Variants in SMAD5 observed in about 807,000 individuals in gnomAD.
SMAD5 encodes MAD, mothers against decapentaplegic homolog 5.
In SMAD5, 9 loss-of-function variants were observed where a neutral mutation model predicts 43.1. That is an observed-to-expected ratio of 0.21 (90% CI 0.13 to 0.36). SMAD5 has a LOEUF of 0.36. Among genes scored for constraint, SMAD5 ranks in the 10% least tolerant of loss-of-function variants. The pLI is 1.00. For missense variants in SMAD5, 348 were observed against 574.0 expected (o/e 0.61, Z 4.02); for synonymous variants, 190 against 192.4 (o/e 0.99, Z 0.10).
At chr5:136,135,874 C>G (rs1752856375) in intron 1 of SMAD5, among the ~76,000 whole-genome samples, 1 of 152,178 alleles carries the variant, frequency 6.6e-6, no homozygotes. Context: ...CTCTGTCTCT[C>G]TGTACACTAA....
intron 2 of SMAD5, 46 bp downstream of exon 2, chr5:136,147,952 C>T (rs1403708661): frequency 1.3e-5 from 2 of 151,660 alleles, no homozygotes; most frequent in African/African-American, 4.8e-5. Flanking sequence ...TTTCTTTAGT[C>T]AGTAATAATG....
intron 3 of SMAD5, among the ~76,000 whole-genome samples, chr5:136,159,185 T>C (rs1034716123): frequency 3.9e-5 from 6 of 152,208 alleles, no homozygotes; most frequent in Non-Finnish European, 7.3e-5. Context: ...AAATGTTATA[T>C]TTAACTCTAT....
chr5:136,154,945 C>G (rs1753584793), intron 3 of SMAD5, among the ~76,000 whole-genome samples: 1 of 152,100 alleles, frequency 6.6e-6, no homozygotes, highest in Admixed American at 6.5e-5. Flanking sequence ...ACTGACTGTT[C>G]TTGCCCCTCT....
In SMAD5 at chr5:136,181,928, G is replaced by A. The variant is rs181915965; in HGVS notation, c.*4448G>A. The A allele has an allele frequency of 2.0e-5, 3 of 152,310 alleles. No individual in the cohort carries two copies. Among genetic ancestry groups the A allele is most frequent in the Admixed American group, 2.0e-4 (3 of 15,302 alleles). 9.4% of individuals were successfully genotyped at this position (152,310 alleles called of 1,614,324 possible). Reference sequence around the variant, plus strand: ...ATAATAATTGCTAGTAGCAACTGCAGTAAAACAGGTGATAAGTTATTTTCT... The same window carrying A: ...ATAATAATTGCTAGTAGCAACTGCAATAAAACAGGTGATAAGTTATTTTCT... On this transcript the variant is annotated 3_prime_UTR_variant, in exon 8 of 8. Coordinates refer to ENST00000545279, the MANE Select transcript of SMAD5 (RefSeq NM_005903.7).
chr5:136,163,187 G>T, intron 4 of SMAD5, 85 bp from the exon 5 acceptor site: 1 of 1,182,664 alleles, frequency 8.5e-7, no homozygotes, highest in East Asian at 2.6e-5. Context: ...GAAGCTTGCT[G>T]GTAATCTTAA....
Position 136,166,873 on chromosome 5 carries a change from C to G in SMAD5, c.775+3482C>G, listed in dbSNP as rs575741970. The stretch of plus-strand genomic sequence containing the variant: ...TTAATAGTGTTATATGTTAGATGTC[C>G]ATTGGAATGTAATTTGTCTCAACCA... On this transcript the variant is annotated intron_variant, in intron 5 of 7. Transcript: ENST00000545279. Among the ~76,000 whole-genome samples, 4 of 152,168 alleles carry G rather than the reference C, an allele frequency of 2.6e-5. No individual in the cohort carries two copies. In the East Asian group the frequency reaches 7.7e-4, roughly 29 times the overall value.
At chr5:136,158,656 T>C (rs903669870) in intron 3 of SMAD5, among the ~76,000 whole-genome samples, 2 of 152,194 alleles carry the variant, frequency 1.3e-5, no homozygotes, top group African/African-American at 4.8e-5. Flanking sequence ...TCCCAGCACT[T>C]TGGGAGGCCG....
chr5:136,160,790 C>T, intron 3 of SMAD5, 66 bp from the exon 4 acceptor site: 1 of 1,520,194 alleles, frequency 6.6e-7, no homozygotes, highest in Non-Finnish European at 9.1e-7. Flanking sequence ...TCTACCAACC[C>T]CTTAGTGTGG....
chr5:136,156,885 A>G (rs1281404761), intron 3 of SMAD5, among the ~76,000 whole-genome samples: 1 of 152,288 alleles, frequency 6.6e-6, no homozygotes, highest in Non-Finnish European at 1.5e-5. Flanking sequence ...GACTATAGAG[A>G]CCTCATGTTT....
rs116557098 is a variant in SMAD5 at position 136,174,775 on chromosome 5, T to A, written c.1254+143T>A. 929 of 602,838 alleles carry A rather than the reference T, an allele frequency of 1.5e-3. 8 individuals are homozygous for A. The highest frequency in any genetic ancestry group is 0.015 in the African/African-American group (829 of 54,128). 37.3% of individuals were successfully genotyped at this position (602,838 alleles called of 1,614,324 possible). ...CAGGTTTTTAAATAAAATTATTGAA[T>A]TTGTAATTTTAACTACATAATAGAT... On this transcript the variant is annotated intron_variant, in intron 7 of 7. Transcript: ENST00000545279.
intron 3 of SMAD5, among the ~76,000 whole-genome samples, chr5:136,159,463 A>C (rs1753757266): frequency 6.6e-6 from 1 of 152,098 alleles, no homozygotes; most frequent in Admixed American, 6.6e-5. Context: ...ATTATTTTGG[A>C]TGATATAAAA....
chr5:136,138,051 C>T (rs1752946485), intron 1 of SMAD5, among the ~76,000 whole-genome samples: 1 of 152,208 alleles, frequency 6.6e-6, no homozygotes, highest in Non-Finnish European at 1.5e-5. Flanking sequence ...CACGCCTGTA[C>T]AAGCATACTC....
intron 3 of SMAD5, among the ~76,000 whole-genome samples, chr5:136,155,149 A>G (rs966344687): frequency 3.9e-5 from 6 of 152,136 alleles, no homozygotes; most frequent in African/African-American, 1.4e-4. Context: ...TGACATTTCC[A>G]CTTGAATATT....
Position 136,182,392 on chromosome 5 carries a change from A to G in SMAD5, c.*4912A>G, listed in dbSNP as rs1754660704. 1 of 152,272 alleles carries G rather than the reference A, an allele frequency of 6.6e-6. No homozygotes were observed. The highest frequency in any genetic ancestry group is 1.5e-5 in the Non-Finnish European group (1 of 68,024). 9.4% of individuals were successfully genotyped at this position (152,272 alleles called of 1,614,324 possible). On this transcript the variant is annotated 3_prime_UTR_variant, in exon 8 of 8. Coordinates refer to ENST00000545279, the MANE Select transcript of SMAD5 (RefSeq NM_005903.7). Reference sequence around the variant, plus strand: ...TTTAAATATGGTTGGCGTAAGTTGTATTTTGAAATTCACTTATTTTAAAAT... The same window carrying G: ...TTTAAATATGGTTGGCGTAAGTTGTGTTTTGAAATTCACTTATTTTAAAAT...
chr5:136,144,873 T>C (rs1250212376), intron 1 of SMAD5, among the ~76,000 whole-genome samples: 2 of 151,832 alleles, frequency 1.3e-5, no homozygotes, highest in Non-Finnish European at 2.9e-5. Context: ...TTGGGTTCTT[T>C]TTGAGACAGA....
chr5:136,138,772 C>T (rs994552386), intron 1 of SMAD5, among the ~76,000 whole-genome samples: 1 of 152,162 alleles, frequency 6.6e-6, no homozygotes, highest in East Asian at 1.9e-4. Flanking sequence ...GGTTCCCAAG[C>T]CTCCTGCATG....
At chr5:136,172,741 A>C in intron 6 of SMAD5, 86 bp downstream of exon 6, 1 of 914,826 alleles carries the variant, frequency 1.1e-6, no homozygotes, top group Non-Finnish European at 1.8e-6. Flanking sequence ...GGTGCTAGAA[A>C]CATACAAAGA....
At chr5:136,173,351 T>C (rs1754292210) in intron 6 of SMAD5, among the ~76,000 whole-genome samples, 1 of 152,222 alleles carries the variant, frequency 6.6e-6, no homozygotes, top group South Asian at 2.1e-4. Context: ...TGAGAAGTTT[T>C]GTTTTTACCC....
chr5:136,166,953 A>T (rs947266374), intron 5 of SMAD5, among the ~76,000 whole-genome samples: 1 of 152,176 alleles, frequency 6.6e-6, no homozygotes. Context: ...ACCTTTGTAG[A>T]TACCTTTTTC....
Sources: allele counts gnomAD v4.1 joint callset (sites outside exome capture counted in the v4.1 genomes callset), GRCh38; gene constraint gnomAD v4.1.1; transcripts MANE v1.5; gene names NCBI Gene and HGNC (gene_info 2026-07-23, HGNC 2026-07-21).